The following SYN3 variants were observed in gnomAD, a reference collection of about 807,000 sequenced individuals.
The protein encoded by SYN3 is synapsin III.
In SYN3, 35 loss-of-function variants were observed where a neutral mutation model predicts 65.8. The ratio of observed to expected loss-of-function variants is 0.53; its 90% CI spans 0.41 to 0.70. SYN3 has a LOEUF of 0.70. SYN3 is among the 30% of genes least tolerant of loss of function. The probability of loss-of-function intolerance (pLI) is 0.00; values close to 1 mark genes in which losing one functional copy is unlikely to be tolerated. For synonymous variants in SYN3, 270 were observed against 292.9 expected (o/e 0.92, Z 0.80); for missense variants, 680 against 749.0 (o/e 0.91, Z 1.08).
At chr22:32,887,638 T>C (rs974931944) in intron 4 of SYN3, among the ~76,000 whole-genome samples, 1 of 152,198 alleles carries the variant, frequency 6.6e-6, no homozygotes, top group Admixed American at 6.5e-5. Context: ...TATGTGTTGT[T>C]TGAAGCTGAT....
At chr22:32,548,819 C>T (rs940761710) in intron 7 of SYN3, among the ~76,000 whole-genome samples, 1 of 152,176 alleles carries the variant, frequency 6.6e-6, no homozygotes, top group African/African-American at 2.4e-5. Context: ...TAATGGAAGA[C>T]ACATGAAATG....
At chr22:32,688,448 G>A (rs912051219) in intron 6 of SYN3, among the ~76,000 whole-genome samples, 20 of 152,120 alleles carry the variant, frequency 1.3e-4, no homozygotes, top group Non-Finnish European at 2.4e-4. Flanking sequence ...CTGGGGGAAA[G>A]AGAAATATTT....
At chr22:33,015,237 A>AG (rs1410519517) in intron 1 of SYN3, 2 of 452,696 alleles carry the variant, frequency 4.4e-6, no homozygotes, top group Non-Finnish European at 6.8e-6. Context: ...AAAAAAAAAA[A>AG]AAAAACTACT....
chr22:32,834,998 G>A (rs767087342), intron 6 of SYN3, among the ~76,000 whole-genome samples: 12 of 152,184 alleles, frequency 7.9e-5, no homozygotes, highest in South Asian at 2.1e-4. Context: ...TGTGACCTCC[G>A]ACCTGTCAGT....
intron 2 of SYN3, among the ~76,000 whole-genome samples, chr22:33,005,920 A>G (rs937279612): frequency 1.3e-5 from 2 of 152,236 alleles, no homozygotes; most frequent in African/African-American, 2.4e-5. Context: ...TGAATATACC[A>G]TATTTTATAT....
At chr22:32,604,410 T>C (rs2059333021) in intron 6 of SYN3, among the ~76,000 whole-genome samples, 1 of 152,128 alleles carries the variant, frequency 6.6e-6, no homozygotes, top group Admixed American at 6.5e-5. Context: ...GACCTTTCAG[T>C]TCTTTACTGA....
intron 6 of SYN3, among the ~76,000 whole-genome samples, chr22:32,658,329 C>T (rs2060170704): frequency 6.6e-6 from 1 of 152,218 alleles, no homozygotes; most frequent in Non-Finnish European, 1.5e-5. Flanking sequence ...TTTGACTTCC[C>T]CCAACCCCGC....
In SYN3 at chr22:32,908,385, C is replaced by CT. The variant is rs10719402; in HGVS notation, c.461+23004dup. ...ACAGGGGTGAGCCACCACGCCTAGC[C>CT]TTTTTTTTTTTTTTTTTTTTTAAGA... On this transcript the variant is annotated intron_variant, in intron 4 of 13. Coordinates refer to ENST00000358763, the MANE Select transcript of SYN3 (RefSeq NM_003490.4). Among the ~76,000 whole-genome samples the CT allele has an allele frequency of 2.6e-3, 304 of 116,604 alleles. 5 individuals are homozygous for CT. Among genetic ancestry groups the CT allele is most frequent in the South Asian group, 0.017 (54 of 3,154 alleles). The allele number at this position is 116,604 out of a possible 152,430, so 76.5% of individuals were successfully genotyped here.
intron 6 of SYN3, among the ~76,000 whole-genome samples, chr22:32,600,248 G>C (rs962691133): frequency 6.8e-6 from 1 of 147,746 alleles, no homozygotes; most frequent in African/African-American, 2.7e-5. Context: ...TTTACATAAC[G>C]AGAGGGCAAC....
intron 6 of SYN3, among the ~76,000 whole-genome samples, chr22:32,627,077 A>G (rs1378110718): frequency 6.6e-6 from 1 of 152,080 alleles, no homozygotes; most frequent in African/African-American, 2.4e-5. Flanking sequence ...GTCGAGGGGT[A>G]GCGAGCTGTG....
intron 6 of SYN3, among the ~76,000 whole-genome samples, chr22:32,599,918 G>C (rs1405620709): frequency 6.6e-6 from 1 of 152,072 alleles, no homozygotes; most frequent in Non-Finnish European, 1.5e-5. Flanking sequence ...AGGCAGCATG[G>C]CAGGAAGCTG....
rs1318102126 is a variant in SYN3 at position 32,664,605 on chromosome 22, T to TTTC, written c.712-67870_712-67869insGAA. 2.5e-4 allele frequency among the ~76,000 whole-genome samples: 30 copies of TTTC among 120,618 alleles called. 2 individuals are homozygous for TTTC. Among genetic ancestry groups the TTTC allele is most frequent in the African/African-American group, 9.3e-4 (30 of 32,262 alleles). 79.1% of individuals were successfully genotyped at this position (120,618 alleles called of 152,430 possible). ...GTCGCTTTTTTTTTTTTTTTTTTTT[T>TTTC]TTTTTGACAGAGTCTCGCTCTGTCG... On this transcript the variant is annotated intron_variant, in intron 6 of 13. Coordinates refer to ENST00000358763, the MANE Select transcript of SYN3 (RefSeq NM_003490.4).
intron 6 of SYN3, among the ~76,000 whole-genome samples, chr22:32,600,290 G>C (rs1387053889): frequency 6.6e-6 from 1 of 152,108 alleles, no homozygotes; most frequent in Non-Finnish European, 1.5e-5. Flanking sequence ...TTCACGACAG[G>C]GTTAGTACTC....
At chr22:32,560,609 C>T (rs5754146) in intron 7 of SYN3, among the ~76,000 whole-genome samples, 7,938 of 152,042 alleles carry the variant, frequency 0.052, 392 homozygotes, top group East Asian at 0.23. Flanking sequence ...GTGGATGCAG[C>T]GGAGTGGAGG....
At chr22:32,806,127 T>G (rs2046728572) in intron 6 of SYN3, among the ~76,000 whole-genome samples, 1 of 151,858 alleles carries the variant, frequency 6.6e-6, no homozygotes, top group African/African-American at 2.4e-5. Flanking sequence ...ACTCTTCCCT[T>G]AAAGGTGGGA....
rs750102199 is a variant in SYN3 at position 32,957,485 on chromosome 22, C to G, written c.369+23160G>C. On this transcript the variant is annotated intron_variant, in intron 3 of 13. Transcript: ENST00000358763. ...CTGTTTTCAATCTTGTTAAAAGGGCCTCATGTGCTGGCGCCTATTTAAAAT... is the reference window on the plus strand; with the variant it reads ...CTGTTTTCAATCTTGTTAAAAGGGCGTCATGTGCTGGCGCCTATTTAAAAT... 2.5e-4 allele frequency among the ~76,000 whole-genome samples: 38 copies of G among 152,156 alleles called. 1 individual carries two copies. The highest frequency in any genetic ancestry group is 4.4e-4 in the Non-Finnish European group (30 of 68,038).
intron 6 of SYN3, among the ~76,000 whole-genome samples, chr22:32,664,660 G>A (rs993273963): frequency 2.9e-5 from 4 of 139,256 alleles, no homozygotes; most frequent in Non-Finnish European, 6.0e-5. Flanking sequence ...GTGCGATCTC[G>A]GCTCACTGCA....
chr22:32,513,970 A>G (rs1221466377), intron 13 of SYN3, 146 bp from the exon 14 acceptor site: 1 of 1,033,048 alleles, frequency 9.7e-7, no homozygotes, highest in East Asian at 2.5e-5. Context: ...CAATGCTTAC[A>G]TGATGTCAGG....
intron 4 of SYN3, among the ~76,000 whole-genome samples, chr22:32,884,622 G>A (rs780525847): frequency 2.6e-5 from 4 of 152,182 alleles, no homozygotes; most frequent in Non-Finnish European, 5.9e-5. Context: ...GCTCACTCCT[G>A]TAACCCCCAG....
Sources: gnomAD v4.1 joint callset for allele counts (sites outside exome capture counted in the v4.1 genomes callset) on GRCh38, gnomAD v4.1.1 for gene constraint, MANE v1.5 for transcripts, NCBI Gene and HGNC (gene_info 2026-07-23, HGNC 2026-07-21) for gene names.